The following FRAS1 variants were observed in gnomAD, a reference collection of about 807,000 sequenced individuals.
FRAS1 encodes the protein Fraser extracellular matrix complex subunit 1, also known as extracellular matrix organizing protein FRAS1.
A neutral mutation model predicts 435.2 loss-of-function variants in FRAS1; 290 were observed. The ratio of observed to expected loss-of-function variants is 0.67; its 90% CI spans 0.61 to 0.73. The LOEUF is 0.73. Ranked by LOEUF, FRAS1 falls within the 30% of genes least tolerant of loss-of-function variation. The pLI is 0.00. For missense variants in FRAS1, 4,860 were observed against 5,001.5 expected, an observed-to-expected ratio of 0.97 and a Z score of 0.85; for synonymous variants, 1,800 against 1,851.0, an observed-to-expected ratio of 0.97 and a Z score of 0.71.
At chr4:78,503,846 G>A (rs907630576) in intron 61 of FRAS1, among the ~76,000 whole-genome samples, 1 of 152,168 alleles carries the variant, frequency 6.6e-6, no homozygotes, top group Non-Finnish European at 1.5e-5. Context: ...TCTCTTGTGA[G>A]CATTTAATGC....
intron 55 of FRAS1, among the ~76,000 whole-genome samples, chr4:78,478,807 A>C (rs960163273): frequency 1.3e-5 from 2 of 152,242 alleles, no homozygotes; most frequent in African/African-American, 4.8e-5. Flanking sequence ...CTTGGAAAAC[A>C]AGCAAGCCTC....
At chr4:78,123,217 C>A (rs968799941) in intron 2 of FRAS1, among the ~76,000 whole-genome samples, 1 of 152,146 alleles carries the variant, frequency 6.6e-6, no homozygotes, top group Non-Finnish European at 1.5e-5. Flanking sequence ...TTCCCAGCAC[C>A]ATGTATTAAA....
chr4:78,183,218 A>T (rs1222371655), intron 2 of FRAS1, among the ~76,000 whole-genome samples: 1 of 152,140 alleles, frequency 6.6e-6, no homozygotes, highest in Non-Finnish European at 1.5e-5. Flanking sequence ...TCATGGGCTG[A>T]TGAGAGTAGT....
intron 20 of FRAS1, among the ~76,000 whole-genome samples, chr4:78,358,975 T>A (rs1257989348): frequency 6.6e-6 from 1 of 152,216 alleles, no homozygotes; most frequent in Non-Finnish European, 1.5e-5. Context: ...TAAAATTGTA[T>A]AGAAAAAGCA....
At chr4:78,062,978 T>A (rs1245430258) in intron 1 of FRAS1, among the ~76,000 whole-genome samples, 1 of 152,208 alleles carries the variant, frequency 6.6e-6, no homozygotes, top group Non-Finnish European at 1.5e-5. Context: ...CGGTTTTTCC[T>A]CAGTTTTCCT....
At chr4:78,471,328 A>G (rs556025707) in intron 51 of FRAS1, among the ~76,000 whole-genome samples, 1 of 152,230 alleles carries the variant, frequency 6.6e-6, no homozygotes, top group South Asian at 2.1e-4. Context: ...TTGTATGTGT[A>G]GATGTTGCAC....
intron 2 of FRAS1, among the ~76,000 whole-genome samples, chr4:78,180,190 GA>G (rs1192986146): frequency 1.3e-5 from 2 of 152,116 alleles, no homozygotes; most frequent in East Asian, 3.8e-4. Flanking sequence ...CTAATGGTAT[GA>G]AAGCTTTGAT....
At chr4:78,212,392 C>G (rs986212161) in intron 2 of FRAS1, among the ~76,000 whole-genome samples, 1 of 152,058 alleles carries the variant, frequency 6.6e-6, no homozygotes. Flanking sequence ...CCCCCAAAAC[C>G]AAGTCAAAGG....
chr4:78,140,713 G>GTATATGTATACGCATATACATA (rs61362325), intron 2 of FRAS1, among the ~76,000 whole-genome samples: 4 of 80,212 alleles, frequency 5.0e-5, no homozygotes, highest in African/African-American at 1.5e-4. Flanking sequence ...GCATATACGT[G>GTATATGTATACGCATATACATA]TGTGTATATG....
intron 20 of FRAS1, among the ~76,000 whole-genome samples, chr4:78,354,201 C>T (rs957482338): frequency 2.0e-5 from 3 of 152,142 alleles, no homozygotes; most frequent in Non-Finnish European, 4.4e-5. Context: ...CCTACGGCAG[C>T]CTTCCCAACA....
chr4:78,300,464 G>A (rs1728332557), intron 14 of FRAS1, among the ~76,000 whole-genome samples: 1 of 152,152 alleles, frequency 6.6e-6, no homozygotes, highest in Non-Finnish European at 1.5e-5. Context: ...AAGGGAACCA[G>A]ATGATAAATA....
intron 47 of FRAS1, among the ~76,000 whole-genome samples, chr4:78,455,081 G>A (rs986722319): frequency 2.4e-4 from 36 of 152,140 alleles, no homozygotes; most frequent in Admixed American, 2.6e-4. Flanking sequence ...TCTGAGAAGA[G>A]CAGATACAAG....
intron 2 of FRAS1, among the ~76,000 whole-genome samples, chr4:78,155,731 C>T (rs750012473): frequency 6.6e-6 from 1 of 152,158 alleles, no homozygotes. Context: ...GTATCTTTTA[C>T]GTCTGAGCAA....
chr4:78,268,945 C>A (rs576198475), intron 9 of FRAS1, among the ~76,000 whole-genome samples: 12 of 152,298 alleles, frequency 7.9e-5, no homozygotes, highest in African/African-American at 2.6e-4. Context: ...AGTTCTGATG[C>A]CTCACCTATT....
chr4:78,251,208 A>G (rs530413729), intron 4 of FRAS1, among the ~76,000 whole-genome samples: 1 of 152,302 alleles, frequency 6.6e-6, no homozygotes, highest in South Asian at 2.1e-4. Context: ...ATGCTGTACT[A>G]AATTTGAAAC....
At position 78,182,106 on chromosome 4, in the gene FRAS1, C is replaced by T. The variant is rs1323274072; in HGVS notation, c.109-55404C>T. The T allele has an allele frequency of 2.2e-5, 29 of 1,308,184 alleles. No homozygotes were observed. The African/African-American group carries it at 3.9e-4, about 18-fold the overall frequency. The allele number at this position is 1,308,184 out of a possible 1,614,324, so 81.0% of individuals were successfully genotyped here. ...GCAGCGGGCCGCGCCGAGCCAAGAG[C>T]GCCTGCTTCAGCTCTTCCCACAAGA... On this transcript the variant is annotated intron_variant, in intron 2 of 73. Coordinates refer to ENST00000512123, the MANE Select transcript of FRAS1 (RefSeq NM_025074.7).
chr4:78,481,912 AC>A lies in FRAS1; in HGVS notation c.8553del (p.Tyr2852ThrfsTer21). ...SDPASATPGVDYVPSSRKVEF... is the reference protein window; with the variant it reads ...SDPASATPGVXYVPSSRKVEF... The stretch of plus-strand genomic sequence containing the variant: ...CCAGCTTCTGCCACACCAGGAGTTG[AC>A]TACGTTCCCAGCTCTCGGAAGGTGG... On this transcript the variant is annotated frameshift_variant, in exon 57 of 74. Coordinates refer to ENST00000512123, the MANE Select transcript of FRAS1 (RefSeq NM_025074.7). LOFTEE classifies it high-confidence loss of function. 1 of 1,613,806 alleles carries A rather than the reference AC, an allele frequency of 6.2e-7. No individual in the cohort carries two copies. The highest frequency in any genetic ancestry group is 8.5e-7 in the Non-Finnish European group (1 of 1,179,810).
chr4:78,197,484 A>G (rs1350502646), intron 2 of FRAS1, among the ~76,000 whole-genome samples: 3 of 152,206 alleles, frequency 2.0e-5, no homozygotes, highest in Non-Finnish European at 2.9e-5. Context: ...TATTTTATTA[A>G]TTGAATTATC....
chr4:78,475,351 A>G (rs113114752), intron 53 of FRAS1, 87 bp from the exon 54 acceptor site: 11 of 1,458,534 alleles, frequency 7.5e-6, no homozygotes, highest in African/African-American at 7.0e-5. Context: ...AATGCCAAGA[A>G]CCAAATGGAA....
Sources: gnomAD v4.1 joint callset for allele counts (sites outside exome capture counted in the v4.1 genomes callset) on GRCh38, gnomAD v4.1.1 for gene constraint, MANE v1.5 for transcripts, NCBI Gene and HGNC (gene_info 2026-07-23, HGNC 2026-07-21) for gene names.